Variants in VEZT observed in about 807,000 individuals in gnomAD.
VEZT encodes vezatin.
VEZT carries 39 observed loss-of-function variants against 79.9 expected under a neutral mutation model. The ratio of observed to expected loss-of-function variants is 0.49; its 90% CI spans 0.38 to 0.64. VEZT has a LOEUF of 0.64. Ranked by LOEUF, VEZT falls within the 30% of genes least tolerant of loss-of-function variation. The probability of loss-of-function intolerance (pLI) is 0.00; values close to 1 mark genes in which losing one functional copy is unlikely to be tolerated. For missense variants in VEZT, 837 were observed against 893.1 expected (o/e 0.94, Z 0.80); for synonymous variants, 325 against 327.6 (o/e 0.99, Z 0.09).
chr12:95,300,828 TTAG>T lies in VEZT; in HGVS notation c.*160_*162del. The T allele has an allele frequency of 9.3e-7, 1 of 1,073,786 alleles. No homozygotes were observed. The highest frequency in any genetic ancestry group is 1.2e-6 in the Non-Finnish European group (1 of 817,748). The allele number at this position is 1,073,786 out of a possible 1,614,324, so 66.5% of individuals were successfully genotyped here. On this transcript the variant is annotated 3_prime_UTR_variant, in exon 12 of 12. Transcript: ENST00000436874. ...CCTGGTTTGAATAACTGATCTGAAA[TTAG>T]TAGTTACCTGTAAATGGCAGATCTT...
intron 7 of VEZT, among the ~76,000 whole-genome samples, chr12:95,282,108 G>C (rs1593989618): frequency 6.6e-6 from 1 of 152,048 alleles, no homozygotes; most frequent in African/African-American, 2.4e-5. Context: ...GATGTTACCT[G>C]CTGTATTGGA....
intron 1 of VEZT, among the ~76,000 whole-genome samples, chr12:95,233,675 T>G (rs1268565146): frequency 6.6e-6 from 1 of 152,240 alleles, no homozygotes; most frequent in Non-Finnish European, 1.5e-5. Context: ...GTGCTGAGAT[T>G]ATAGGTGTGA....
chr12:95,235,875 A>T (rs1012550602), intron 1 of VEZT, among the ~76,000 whole-genome samples: 2 of 149,772 alleles, frequency 1.3e-5, no homozygotes, highest in Non-Finnish European at 3.0e-5. Context: ...GGCAGGGCAG[A>T]GGCGCTCCCC....
At chr12:95,295,193 C>T (rs1165266403) in intron 10 of VEZT, among the ~76,000 whole-genome samples, 1 of 152,218 alleles carries the variant, frequency 6.6e-6, no homozygotes, top group Non-Finnish European at 1.5e-5. Flanking sequence ...CCGAGTCTCA[C>T]TCTGTGGCCC....
chr12:95,235,845 C>T lies in VEZT; in HGVS notation c.37-16095C>T, dbSNP rs538433015. Among the ~76,000 whole-genome samples, 513 of 151,890 alleles carry T rather than the reference C, an allele frequency of 3.4e-3. 1 individual carries two copies. Among genetic ancestry groups the T allele is most frequent in the Middle Eastern group, 0.027 (8 of 292 alleles). On this transcript the variant is annotated intron_variant, in intron 1 of 11. Transcript: ENST00000436874. Reference sequence around the variant, plus strand: ...GGGGCGGCTGCCGGGCAGAGACGCTCCTCACATCCCAGACGGGGTGGCAGG... The same window carrying T: ...GGGGCGGCTGCCGGGCAGAGACGCTTCTCACATCCCAGACGGGGTGGCAGG...
intron 1 of VEZT, chr12:95,231,553 G>A (rs1250778132): frequency 6.6e-6 from 1 of 152,114 alleles, no homozygotes; most frequent in Non-Finnish European, 1.5e-5. Flanking sequence ...TCTGTGAGTA[G>A]TTTAATTAGT....
intron 1 of VEZT, among the ~76,000 whole-genome samples, chr12:95,241,409 A>G (rs974482878): frequency 6.6e-6 from 1 of 151,772 alleles, no homozygotes; most frequent in Non-Finnish European, 1.5e-5. Flanking sequence ...GGCTCAAGCA[A>G]TCCTTCACTT....
At chr12:95,257,332 C>A in intron 3 of VEZT, 93 bp downstream of exon 3, 1 of 1,010,244 alleles carries the variant, frequency 9.9e-7, no homozygotes, top group Non-Finnish European at 1.4e-6. Flanking sequence ...TCAATTTGGC[C>A]AGCAATTGAT....
intron 1 of VEZT, chr12:95,218,184 CGG>C: frequency 3.6e-6 from 1 of 276,214 alleles, no homozygotes; most frequent in South Asian, 1.2e-4. Flanking sequence ...GGATGTGCGG[CGG>C]GGGGGACTGC....
intron 1 of VEZT, among the ~76,000 whole-genome samples, chr12:95,235,260 G>A (rs1262061183): frequency 1.7e-5 from 2 of 116,320 alleles, no homozygotes; most frequent in Non-Finnish European, 3.5e-5. Context: ...CTCACCTCCC[G>A]GACAGGGCGG....
chr12:95,300,491 C>T lies in VEZT; in HGVS notation c.2158C>T (p.Pro720Ser), dbSNP rs1218220169. Residue 720 changes from proline (P) to serine (S), a missense_variant, in exon 12 of 12, where the codon CCC (proline) becomes TCC (serine). Pro to Ser is a moderately conservative substitution (Grantham distance 74). Transcript: ENST00000436874. ...APPTPRDSLQ[P>S]SIKQRLARLQ... ...TCCAACTCCCAGGGACTCATTACAG[C>T]CCTCCATTAAGCAGAGGCTGGCACG... The T allele has an allele frequency of 1.7e-5, 28 of 1,613,916 alleles. No homozygotes were observed. Among genetic ancestry groups the T allele is most frequent in the Non-Finnish European group, 2.4e-5 (28 of 1,179,872 alleles).
chr12:95,254,874 G>A (rs1182314374), intron 2 of VEZT, among the ~76,000 whole-genome samples: 7 of 152,044 alleles, frequency 4.6e-5, no homozygotes, highest in African/African-American at 1.4e-4. Flanking sequence ...GTTAGTAGTT[G>A]TTAAGTAGTC....
intron 10 of VEZT, among the ~76,000 whole-genome samples, chr12:95,295,617 A>AG (rs1291050474): frequency 1.3e-5 from 2 of 152,174 alleles, no homozygotes; most frequent in African/African-American, 4.8e-5. Flanking sequence ...GAGAACCATA[A>AG]GGTGGGGTGT....
At chr12:95,252,210 G>C in intron 2 of VEZT, 139 bp downstream of exon 2, 1 of 869,302 alleles carries the variant, frequency 1.2e-6, no homozygotes, top group Non-Finnish European at 1.6e-6. Context: ...AAAACTTTCT[G>C]TTAGATAAAC....
chr12:95,292,991 C>T (rs1467573923), intron 9 of VEZT, among the ~76,000 whole-genome samples: 2 of 151,660 alleles, frequency 1.3e-5, no homozygotes, highest in African/African-American at 4.8e-5. Context: ...GCTGGGATTA[C>T]AGGTACATAC....
chr12:95,284,416 C>T (rs528207491), intron 8 of VEZT, among the ~76,000 whole-genome samples: 40 of 152,308 alleles, frequency 2.6e-4, no homozygotes, highest in South Asian at 2.3e-3. Flanking sequence ...TACACTAGGG[C>T]ATTAATTTCT....
chr12:95,260,098 CTTTTTTTTTTTT>C (rs56756447), intron 3 of VEZT, among the ~76,000 whole-genome samples: 14 of 68,508 alleles, frequency 2.0e-4, no homozygotes, highest in Non-Finnish European at 3.4e-4. Context: ...TGGTTGATCA[CTTTTTTTTTTTT>C]TTTTTTTTTT....
At position 95,300,220 on chromosome 12, in the gene VEZT, A is replaced by G. The variant is rs2075022610; in HGVS notation, c.1887A>G (p.Glu629=). Residue 629 remains glutamate, a synonymous_variant, in exon 12 of 12, where the codon GAA becomes GAG. Coordinates refer to ENST00000436874, the MANE Select transcript of VEZT (RefSeq NM_017599.4). ...VDPVEPISNS[E]PSMNSDMGKV... ...CAGTGGAACCCATAAGTAATTCAGA[A>G]CCATCAATGAATTCAGATATGGGAA... 1 of 1,561,706 alleles carries G rather than the reference A, an allele frequency of 6.4e-7. No homozygotes were observed. The highest frequency in any genetic ancestry group is 2.4e-5 in the East Asian group (1 of 41,990).
At chr12:95,244,409 A>T (rs1019521367) in intron 1 of VEZT, among the ~76,000 whole-genome samples, 1 of 152,148 alleles carries the variant, frequency 6.6e-6, no homozygotes, top group Non-Finnish European at 1.5e-5. Flanking sequence ...TAACCCCAAT[A>T]TAATTATCTC....
Sources: allele counts gnomAD v4.1 joint callset (sites outside exome capture counted in the v4.1 genomes callset), GRCh38; gene constraint gnomAD v4.1.1; transcripts MANE v1.5; gene names NCBI Gene and HGNC (gene_info 2026-07-23, HGNC 2026-07-21).